The following STIM1 variants were observed in gnomAD, a reference collection of about 807,000 sequenced individuals.
STIM1 encodes stromal interaction molecule 1.
STIM1 carries 25 observed loss-of-function variants against 74.7 expected under a neutral mutation model. That is an observed-to-expected ratio of 0.33 (90% confidence interval 0.24 to 0.47). STIM1 has a LOEUF of 0.47. STIM1 is among the 20% of genes least tolerant of loss of function. STIM1 has a pLI of 1.00. For missense variants in STIM1, 728 were observed against 920.8 expected (o/e 0.79, Z 2.71); for synonymous variants, 328 against 348.8 (o/e 0.94, Z 0.66).
rs1045087949 is a variant in STIM1 at position 4,075,462 on chromosome 11, T to G, written c.969+783T>G. Among the ~76,000 whole-genome samples, 15 of 152,262 alleles carry G rather than the reference T, an allele frequency of 9.9e-5. 1 individual carries two copies. Among genetic ancestry groups the G allele is most frequent in the African/African-American group, 3.6e-4 (15 of 41,472 alleles). On this transcript the variant is annotated intron_variant, in intron 7 of 12. Coordinates refer to ENST00000526596, the MANE Select transcript of STIM1 (RefSeq NM_001382567.1). ...GATTAGTTTTGTCTAATTTTGAACT[T>G]CATATAAATGGCATTATACAGTATA...
chr11:3,857,395 C>G (rs2090428198), intron 1 of STIM1, among the ~76,000 whole-genome samples: 1 of 151,964 alleles, frequency 6.6e-6, no homozygotes, highest in African/African-American at 2.4e-5. Flanking sequence ...GGACTAAACA[C>G]AAGAGCCACT....
intron 1 of STIM1, among the ~76,000 whole-genome samples, chr11:3,902,809 G>A (rs2092382956): frequency 6.6e-6 from 1 of 152,200 alleles, no homozygotes; most frequent in South Asian, 2.1e-4. Flanking sequence ...CTGGCCAGCT[G>A]AAGGTAGCAT....
chr11:3,945,362 C>T (rs760805955), intron 1 of STIM1, among the ~76,000 whole-genome samples: 8 of 151,340 alleles, frequency 5.3e-5, no homozygotes, highest in Non-Finnish European at 1.0e-4. Flanking sequence ...GGATCACCTG[C>T]GGTCAAGAGT....
chr11:4,062,817 A>C (rs912596371), intron 5 of STIM1, among the ~76,000 whole-genome samples: 1 of 152,170 alleles, frequency 6.6e-6, no homozygotes, highest in African/African-American at 2.4e-5. Flanking sequence ...GTTGGTGAGG[A>C]TGTGTTGAAA....
chr11:3,912,388 G>A (rs536758365), intron 1 of STIM1, among the ~76,000 whole-genome samples: 17 of 149,506 alleles, frequency 1.1e-4, no homozygotes, highest in East Asian at 3.9e-4. Flanking sequence ...TTTTTGAGAC[G>A]GAGTTTCACT....
intron 12 of STIM1, chr11:4,088,602 T>TCG: frequency 8.8e-7 from 1 of 1,133,706 alleles, no homozygotes; most frequent in Middle Eastern, 1.9e-4. Flanking sequence ...AATTCCATGC[T>TCG]CCAAGGTTTA....
chr11:4,035,701 G>A (rs2094093952), intron 3 of STIM1, among the ~76,000 whole-genome samples: 1 of 151,826 alleles, frequency 6.6e-6, no homozygotes. Context: ...CATACTTTAT[G>A]TGACTTGAAG....
At chr11:3,956,040 G>C (rs1490781151) in intron 1 of STIM1, among the ~76,000 whole-genome samples, 1 of 151,302 alleles carries the variant, frequency 6.6e-6, no homozygotes, top group African/African-American at 2.4e-5. Context: ...AAAAAAAGCA[G>C]GAGTTACTGG....
intron 1 of STIM1, among the ~76,000 whole-genome samples, chr11:3,959,723 T>G (rs181189077): frequency 4.5e-4 from 68 of 152,288 alleles, no homozygotes; most frequent in Admixed American, 2.6e-3. Flanking sequence ...TTTCTGCCAA[T>G]AGCTATCAAA....
intron 3 of STIM1, among the ~76,000 whole-genome samples, chr11:4,028,598 G>A (rs1350834130): frequency 1.3e-5 from 2 of 150,876 alleles, no homozygotes; most frequent in Non-Finnish European, 3.0e-5. Context: ...TAGTAGAGAC[G>A]GGGTTTCACC....
intron 1 of STIM1, among the ~76,000 whole-genome samples, chr11:3,957,133 T>C (rs948316866): frequency 1.3e-5 from 2 of 152,166 alleles, no homozygotes; most frequent in African/African-American, 4.8e-5. Flanking sequence ...CAAATAACTA[T>C]AGTTATAAAC....
chr11:4,012,099 C>G (rs1297029182), intron 2 of STIM1, among the ~76,000 whole-genome samples: 1 of 152,154 alleles, frequency 6.6e-6, no homozygotes, highest in Non-Finnish European at 1.5e-5. Context: ...GTTTTGGTAC[C>G]AGTACCATGC....
intron 2 of STIM1, among the ~76,000 whole-genome samples, chr11:3,980,930 T>C (rs1412776675): frequency 1.3e-5 from 2 of 152,164 alleles, no homozygotes; most frequent in Admixed American, 6.5e-5. Context: ...CTATTGTCAG[T>C]TGTCAATTTT....
chr11:4,054,033 G>A (rs1827501008), intron 3 of STIM1, among the ~76,000 whole-genome samples: 1 of 152,204 alleles, frequency 6.6e-6, no homozygotes, highest in Admixed American at 6.5e-5. Context: ...CTTGAAGTGT[G>A]GCTAGTGCCA....
At chr11:3,860,197 T>C (rs1422130269) in intron 1 of STIM1, among the ~76,000 whole-genome samples, 1 of 152,256 alleles carries the variant, frequency 6.6e-6, no homozygotes, top group Non-Finnish European at 1.5e-5. Flanking sequence ...AGCCTGAACC[T>C]AATTGTAGGA....
chr11:4,079,371 C>T (rs1202060007), intron 7 of STIM1, among the ~76,000 whole-genome samples: 4 of 151,546 alleles, frequency 2.6e-5, no homozygotes, highest in East Asian at 2.0e-4. Flanking sequence ...GTCAGGAGTT[C>T]GAGACCAGGC....
chr11:3,856,450 G>A (rs1345972958), intron 1 of STIM1, 41 bp downstream of exon 1: 1 of 1,602,382 alleles, frequency 6.2e-7, no homozygotes, highest in South Asian at 1.1e-5. Context: ...GGAGGCTTTG[G>A]CTCAGGACTG....
intron 3 of STIM1, among the ~76,000 whole-genome samples, chr11:4,026,021 C>T (rs769913607): frequency 6.6e-6 from 1 of 152,148 alleles, no homozygotes; most frequent in African/African-American, 2.4e-5. Flanking sequence ...TCCTCTTCCT[C>T]CCAATAATTT....
At chr11:4,060,178 A>G (rs1479069259) in intron 5 of STIM1, among the ~76,000 whole-genome samples, 1 of 152,228 alleles carries the variant, frequency 6.6e-6, no homozygotes, top group African/African-American at 2.4e-5. Context: ...ATGTGGTAGG[A>G]ACGGCCAGCC....
Sources: allele counts gnomAD v4.1 joint callset (sites outside exome capture counted in the v4.1 genomes callset), GRCh38; gene constraint gnomAD v4.1.1; transcripts MANE v1.5; gene names NCBI Gene and HGNC (gene_info 2026-07-23, HGNC 2026-07-21).